The following ROBO2 variants were observed in gnomAD, a reference collection of about 807,000 sequenced individuals.
The protein encoded by ROBO2 is roundabout homolog 2.
ROBO2 carries 53 observed loss-of-function variants against 160.8 expected under a neutral mutation model. The ratio of observed to expected loss-of-function variants is 0.33; its 90% CI spans 0.26 to 0.41. The LOEUF (loss-of-function observed/expected upper bound fraction) is 0.41. Among genes scored for constraint, ROBO2 ranks in the 10% least tolerant of loss-of-function variants. The pLI is 1.00. For missense variants in ROBO2, 1,577 were observed against 1,722.4 expected, an observed-to-expected ratio of 0.92 and a Z score of 1.49; for synonymous variants, 664 against 611.7, an observed-to-expected ratio of 1.09 and a Z score of -1.26.
chr3:76,951,865 A>C (rs933690482), intron 2 of ROBO2, among the ~76,000 whole-genome samples: 1 of 152,192 alleles, frequency 6.6e-6, no homozygotes, highest in African/African-American at 2.4e-5. Context: ...TTGTTTCTAA[A>C]GCCCCAACCG....
intron 2 of ROBO2, among the ~76,000 whole-genome samples, chr3:76,697,655 C>G (rs2092955950): frequency 6.7e-6 from 1 of 148,604 alleles, no homozygotes; most frequent in South Asian, 2.2e-4. Context: ...CAAAAAAGAA[C>G]AAAAATTTAC....
At chr3:76,888,938 C>A (rs1053242036) in intron 2 of ROBO2, among the ~76,000 whole-genome samples, 1 of 152,182 alleles carries the variant, frequency 6.6e-6, no homozygotes, top group African/African-American at 2.4e-5. Context: ...CCAATTTTTC[C>A]TGGAGCTTGT....
At chr3:75,930,687 C>A (rs1007060474) in intron 1 of ROBO2, among the ~76,000 whole-genome samples, 6 of 152,206 alleles carry the variant, frequency 3.9e-5, no homozygotes, top group Non-Finnish European at 7.3e-5. Flanking sequence ...CGGTTTCCCA[C>A]ATGTCAGTAA....
chr3:76,213,113 T>C (rs569064519), intron 2 of ROBO2, among the ~76,000 whole-genome samples: 10 of 152,028 alleles, frequency 6.6e-5, no homozygotes, highest in African/African-American at 9.7e-5. Context: ...TACAGAGGCA[T>C]AGGGAAAGAT....
intron 21 of ROBO2, among the ~76,000 whole-genome samples, chr3:77,610,741 CAAAAAAAAAAAAAAAAA>C (rs71629658): frequency 2.0e-4 from 4 of 19,826 alleles, no homozygotes; most frequent in Non-Finnish European, 2.9e-4. Flanking sequence ...GGCCAAAGAC[CAAAAAAAAAAAAAAAAA>C]AAAAAAAAAG....
At chr3:76,056,594 A>T (rs2067856872) in intron 2 of ROBO2, among the ~76,000 whole-genome samples, 1 of 152,164 alleles carries the variant, frequency 6.6e-6, no homozygotes, top group African/African-American at 2.4e-5. Context: ...AGAAAAGAAA[A>T]AGGTTCTTAC....
chr3:77,170,555 A>G (rs1184656178), intron 2 of ROBO2, among the ~76,000 whole-genome samples: 1 of 152,162 alleles, frequency 6.6e-6, no homozygotes, highest in Non-Finnish European at 1.5e-5. Context: ...ATTATAAAAT[A>G]CGTATCTTCT....
At chr3:76,955,504 C>A (rs2149202481) in intron 2 of ROBO2, among the ~76,000 whole-genome samples, 1 of 152,188 alleles carries the variant, frequency 6.6e-6, no homozygotes, top group Middle Eastern at 3.4e-3. Flanking sequence ...CACATCCTTG[C>A]CAAAACTTGT....
chr3:77,208,412 G>T (rs2083690664), intron 2 of ROBO2, among the ~76,000 whole-genome samples: 1 of 152,024 alleles, frequency 6.6e-6, no homozygotes, highest in East Asian at 1.9e-4. Flanking sequence ...TGTTTTAAAG[G>T]ACATGGGGAT....
At chr3:76,648,122 C>T (rs2091071276) in intron 2 of ROBO2, among the ~76,000 whole-genome samples, 1 of 151,720 alleles carries the variant, frequency 6.6e-6, no homozygotes, top group Non-Finnish European at 1.5e-5. Context: ...TATTAGTGTA[C>T]ATTGTTGCTT....
intron 5 of ROBO2, among the ~76,000 whole-genome samples, chr3:77,513,167 TA>T (rs1015667711): frequency 1.1e-4 from 16 of 151,948 alleles, no homozygotes; most frequent in African/African-American, 3.9e-4. Flanking sequence ...CAGTTGGTAA[TA>T]AAAATTTTAA....
intron 2 of ROBO2, among the ~76,000 whole-genome samples, chr3:76,914,448 T>C (rs1054843563): frequency 7.9e-5 from 12 of 152,078 alleles, no homozygotes; most frequent in African/African-American, 1.7e-4. Context: ...CAGCATGTAT[T>C]TTGCACATTG....
chr3:77,413,203 A>G (rs1231960925), intron 2 of ROBO2, among the ~76,000 whole-genome samples: 1 of 152,176 alleles, frequency 6.6e-6, no homozygotes, highest in Admixed American at 6.5e-5. Flanking sequence ...TAAAGAAAAC[A>G]TAATTGTTTT....
intron 2 of ROBO2, among the ~76,000 whole-genome samples, chr3:76,283,039 A>AG (rs1479871667): frequency 1.4e-5 from 2 of 138,702 alleles, no homozygotes; most frequent in Non-Finnish European, 3.1e-5. Context: ...AGAAAAAAAA[A>AG]TCTGAGCCAA....
At chr3:76,809,925 A>C (rs1165090061) in intron 2 of ROBO2, among the ~76,000 whole-genome samples, 1 of 152,098 alleles carries the variant, frequency 6.6e-6, no homozygotes, top group African/African-American at 2.4e-5. Flanking sequence ...AGAAGGTAAA[A>C]AAAACTAGAA....
At chr3:75,994,879 G>A (rs549064584) in intron 2 of ROBO2, among the ~76,000 whole-genome samples, 8 of 152,200 alleles carry the variant, frequency 5.3e-5, no homozygotes, top group Non-Finnish European at 1.2e-4. Context: ...TGAAGTCTAG[G>A]CTGAGGTGCT....
chr3:76,366,446 A>G (rs2075816876), intron 2 of ROBO2, among the ~76,000 whole-genome samples: 1 of 152,004 alleles, frequency 6.6e-6, no homozygotes, highest in South Asian at 2.1e-4. Context: ...GTATCTGTCC[A>G]CTGAATAAAG....
chr3:77,047,779 C>T (rs1194044922), intron 1 of ROBO2, among the ~76,000 whole-genome samples: 2 of 150,584 alleles, frequency 1.3e-5, no homozygotes, highest in Admixed American at 1.3e-4. Flanking sequence ...CGCGGTGGCT[C>T]ACGCCTGTAA....
At chr3:77,385,232 T>C (rs1360547862) in intron 2 of ROBO2, among the ~76,000 whole-genome samples, 2 of 152,198 alleles carry the variant, frequency 1.3e-5, no homozygotes, top group Non-Finnish European at 2.9e-5. Flanking sequence ...GGTTTCATTA[T>C]GTTGGCCAGG....
Sources: allele counts gnomAD v4.1 joint callset (sites outside exome capture counted in the v4.1 genomes callset), GRCh38; gene constraint gnomAD v4.1.1; transcripts MANE v1.5; gene names NCBI Gene and HGNC (gene_info 2026-07-23, HGNC 2026-07-21).